The following HCRTR2 variants were observed in gnomAD, a reference collection of about 807,000 sequenced individuals.
The protein encoded by HCRTR2 is orexin receptor type 2.
In HCRTR2, 22 loss-of-function variants were observed where a neutral mutation model predicts 49.0. That is an observed-to-expected ratio of 0.45 (90% CI 0.32 to 0.64). The LOEUF (loss-of-function observed/expected upper bound fraction) is 0.64, where lower values mean the gene tolerates loss of function less well. Among genes scored for constraint, HCRTR2 ranks in the 30% least tolerant of loss-of-function variants. The pLI, the probability that HCRTR2 is intolerant of heterozygous loss-of-function variation, is 0.04. For missense variants in HCRTR2, 491 were observed against 559.4 expected (o/e 0.88, Z 1.23); for synonymous variants, 236 against 205.3 (o/e 1.15, Z -1.28).
chr6:55,143,660 C>A (rs1764540125), intron 1 of HCRTR2, among the ~76,000 whole-genome samples: 1 of 152,148 alleles, frequency 6.6e-6, no homozygotes, highest in Admixed American at 6.5e-5. Flanking sequence ...CCAACTCTTT[C>A]CAAATACTTG....
intron 1 of HCRTR2, 43 bp from the exon 2 acceptor site, chr6:55,248,596 A>G (rs1173373093): frequency 1.3e-6 from 2 of 1,496,620 alleles, no homozygotes; most frequent in Admixed American, 3.4e-5. Flanking sequence ...ACCAATACCT[A>G]TTTTCTTTGT....
intron 1 of HCRTR2, among the ~76,000 whole-genome samples, chr6:55,108,680 C>T (rs1440471332): frequency 2.0e-5 from 3 of 152,010 alleles, no homozygotes; most frequent in Non-Finnish European, 4.4e-5. Context: ...CCCAGGGAAC[C>T]CATTTCTGAC....
intron 1 of HCRTR2, among the ~76,000 whole-genome samples, chr6:55,223,595 C>G (rs1765940070): frequency 6.6e-6 from 1 of 152,026 alleles, no homozygotes; most frequent in South Asian, 2.1e-4. Context: ...ACTTTTGTCA[C>G]TTATGTTATT....
intron 1 of HCRTR2, among the ~76,000 whole-genome samples, chr6:55,161,284 A>C (rs888848989): frequency 1.3e-5 from 2 of 152,222 alleles, no homozygotes; most frequent in Non-Finnish European, 2.9e-5. Context: ...CTTGAAACCA[A>C]TGAGAACAAA....
At chr6:55,196,874 G>A (rs1438259028) in intron 1 of HCRTR2, among the ~76,000 whole-genome samples, 1 of 152,068 alleles carries the variant, frequency 6.6e-6, no homozygotes, top group Non-Finnish European at 1.5e-5. Flanking sequence ...TGTAGCATGG[G>A]TGGTCTTCCA....
chr6:55,202,176 T>G (rs1304662740), intron 1 of HCRTR2, among the ~76,000 whole-genome samples: 1 of 152,200 alleles, frequency 6.6e-6, no homozygotes, highest in Admixed American at 6.5e-5. Context: ...GCTTTGGTGA[T>G]CTTAATAAAA....
At chr6:55,211,666 T>C (rs1765698516) in intron 1 of HCRTR2, among the ~76,000 whole-genome samples, 1 of 152,210 alleles carries the variant, frequency 6.6e-6, no homozygotes, top group Non-Finnish European at 1.5e-5. Context: ...TCTAGCCTTA[T>C]TTGATTTCTC....
intron 1 of HCRTR2, among the ~76,000 whole-genome samples, chr6:55,153,008 A>G (rs533633795): frequency 2.0e-5 from 3 of 151,996 alleles, no homozygotes; most frequent in Admixed American, 2.0e-4. Flanking sequence ...TTTTTTTTCT[A>G]GGAGCTTATG....
chr6:55,130,510 T>C (rs1764341033), intron 1 of HCRTR2, among the ~76,000 whole-genome samples: 1 of 151,836 alleles, frequency 6.6e-6, no homozygotes, highest in South Asian at 2.1e-4. Context: ...GGGCTATGGG[T>C]TGTCTTCATC....
upstream of HCRTR2, among the ~76,000 whole-genome samples, chr6:55,169,766 G>T (rs1447692319): frequency 6.6e-6 from 1 of 151,892 alleles, no homozygotes; most frequent in Non-Finnish European, 1.5e-5. Context: ...ATGCTTCCAT[G>T]CCACTCTGCA....
intron 1 of HCRTR2, among the ~76,000 whole-genome samples, chr6:55,115,751 C>T (rs1764107350): frequency 6.6e-6 from 1 of 151,452 alleles, no homozygotes; most frequent in African/African-American, 2.4e-5. Context: ...TCAGCTGTTA[C>T]TTAATCAGAA....
At chr6:55,120,878 C>G (rs1393082379) in intron 1 of HCRTR2, among the ~76,000 whole-genome samples, 12 of 151,920 alleles carry the variant, frequency 7.9e-5, no homozygotes, top group African/African-American at 2.9e-4. Context: ...CTTACTGTAG[C>G]CTTGTAGTAT....
intron 1 of HCRTR2, among the ~76,000 whole-genome samples, chr6:55,124,049 A>C (rs1245415225): frequency 1.3e-5 from 2 of 151,504 alleles, no homozygotes; most frequent in African/African-American, 4.8e-5. Flanking sequence ...CTATTTTGTT[A>C]ATCTTTTCAA....
intron 5 of HCRTR2, among the ~76,000 whole-genome samples, chr6:55,279,820 T>A (rs1230666730): frequency 6.6e-6 from 1 of 152,036 alleles, no homozygotes; most frequent in Non-Finnish European, 1.5e-5. Flanking sequence ...GAACTGTTTC[T>A]TCTCTGGGTA....
At chr6:55,189,250 G>T (rs1357069543) in intron 1 of HCRTR2, among the ~76,000 whole-genome samples, 1 of 152,148 alleles carries the variant, frequency 6.6e-6, no homozygotes, top group Non-Finnish European at 1.5e-5. Flanking sequence ...CCTAAAGGGA[G>T]ATTAATTTGG....
intron 1 of HCRTR2, among the ~76,000 whole-genome samples, chr6:55,119,520 C>G (rs112305222): frequency 2.0e-4 from 30 of 152,056 alleles, no homozygotes; most frequent in African/African-American, 7.2e-4. Flanking sequence ...ATTTGCATTT[C>G]TCTAATGACA....
At chr6:55,188,153 A>T (rs1202931758) in intron 1 of HCRTR2, among the ~76,000 whole-genome samples, 2 of 152,190 alleles carry the variant, frequency 1.3e-5, no homozygotes. Flanking sequence ...TGCGTAGCAA[A>T]TTGAAAAAAT....
chr6:55,113,099 C>T, intron 1 of HCRTR2, among the ~76,000 whole-genome samples: 1 of 152,166 alleles, frequency 6.6e-6, no homozygotes, highest in African/African-American at 2.4e-5. Context: ...ATACTGGATC[C>T]TCATTTCTCA....
Position 55,263,133 on chromosome 6 carries a change from T to C in HCRTR2, c.647-574T>C, listed in dbSNP as rs1766799449. Among the ~76,000 whole-genome samples the C allele has an allele frequency of 3.9e-5, 6 of 152,118 alleles. No individual in the cohort carries two copies. The East Asian group carries it at 5.8e-4, about 15-fold the overall frequency. On this transcript the variant is annotated intron_variant, in intron 3 of 6. Coordinates refer to ENST00000370862, the MANE Select transcript of HCRTR2 (RefSeq NM_001384272.1). ...GGAATTTTGTATATGTTCCAATAAG[T>C]CAACAAAAATAATCATTGTCAAATT...
Sources: gnomAD v4.1 joint callset for allele counts (sites outside exome capture counted in the v4.1 genomes callset) on GRCh38, gnomAD v4.1.1 for gene constraint, MANE v1.5 for transcripts, NCBI Gene and HGNC (gene_info 2026-07-23, HGNC 2026-07-21) for gene names.